ZBTB20: variants seen among roughly 807,000 people sequenced by gnomAD.
The protein encoded by ZBTB20 is zinc finger and BTB domain-containing protein 20.
A neutral mutation model predicts 56.9 loss-of-function variants in ZBTB20; 9 were observed. That is an observed-to-expected ratio of 0.16 (90% CI 0.10 to 0.28). The LOEUF is 0.28. Ranked by LOEUF, ZBTB20 falls within the 10% of genes least tolerant of loss-of-function variation. The probability of loss-of-function intolerance (pLI) is 1.00; values close to 1 mark genes in which losing one functional copy is unlikely to be tolerated. For synonymous variants in ZBTB20, 417 were observed against 420.7 expected (o/e 0.99, Z 0.11); for missense variants, 655 against 1,003.0 (o/e 0.65, Z 4.69).
intron 6 of ZBTB20, among the ~76,000 whole-genome samples, chr3:114,625,238 A>AT (rs1235572234): frequency 6.6e-6 from 1 of 152,084 alleles, no homozygotes; most frequent in East Asian, 1.9e-4. Flanking sequence ...GAAAAAAAAA[A>AT]GCTGCCTACC....
intron 5 of ZBTB20, among the ~76,000 whole-genome samples, chr3:114,706,744 T>C (rs767242632): frequency 2.0e-5 from 3 of 152,124 alleles, no homozygotes; most frequent in Non-Finnish European, 4.4e-5. Context: ...GATTATTCAC[T>C]GAGGCCAAAA....
chr3:114,985,878 T>C (rs924121171), intron 2 of ZBTB20, among the ~76,000 whole-genome samples: 6 of 152,126 alleles, frequency 3.9e-5, no homozygotes, highest in Non-Finnish European at 7.4e-5. Flanking sequence ...TTGCAGGTCA[T>C]AAAGTTTCTG....
chr3:114,605,136 G>A (rs1481954673), intron 6 of ZBTB20, among the ~76,000 whole-genome samples: 1 of 151,996 alleles, frequency 6.6e-6, no homozygotes, highest in Non-Finnish European at 1.5e-5. Flanking sequence ...AGTTCCTAAA[G>A]GAGAAGCCTA....
At chr3:114,410,599 G>A (rs542732644) in intron 7 of ZBTB20, among the ~76,000 whole-genome samples, 21 of 152,272 alleles carry the variant, frequency 1.4e-4, no homozygotes, top group African/African-American at 4.8e-4. Flanking sequence ...GAAAAAAACT[G>A]AAATGTGTTC....
intron 2 of ZBTB20, among the ~76,000 whole-genome samples, chr3:115,030,262 A>G (rs2080612721): frequency 1.3e-5 from 2 of 150,988 alleles, no homozygotes; most frequent in African/African-American, 4.8e-5. Context: ...TCTCCTATTC[A>G]TCTTTCAAGC....
chr3:114,550,234 A>G (rs1225444211), intron 6 of ZBTB20, among the ~76,000 whole-genome samples: 9 of 152,032 alleles, frequency 5.9e-5, no homozygotes, highest in East Asian at 3.9e-4. Context: ...CACTGTGCCC[A>G]CCCTATAACT....
At chr3:114,823,359 A>G (rs2073355577) in intron 4 of ZBTB20, among the ~76,000 whole-genome samples, 1 of 152,130 alleles carries the variant, frequency 6.6e-6, no homozygotes, top group African/African-American at 2.4e-5. Flanking sequence ...CCTGATTATG[A>G]AAAGGACTTC....
At chr3:114,940,313 A>C (rs2076683410) in intron 3 of ZBTB20, among the ~76,000 whole-genome samples, 1 of 146,402 alleles carries the variant, frequency 6.8e-6, no homozygotes, top group Non-Finnish European at 1.5e-5. Flanking sequence ...TCTCTTCACT[A>C]TGCACATAAG....
At chr3:114,681,602 C>A (rs2061977594) in intron 6 of ZBTB20, among the ~76,000 whole-genome samples, 1 of 152,202 alleles carries the variant, frequency 6.6e-6, no homozygotes, top group African/African-American at 2.4e-5. Flanking sequence ...CAGTTAAAAT[C>A]AATGTGGATT....
Position 114,329,709 on chromosome 3 carries a change from G to GGA in ZBTB20, c.*9295_*9296insTC, listed in dbSNP as rs2079175495. The GGA allele has an allele frequency of 1.6e-5, 1 of 63,908 alleles. No individual in the cohort carries two copies. 4.0% of individuals were successfully genotyped at this position (63,908 alleles called of 1,614,324 possible). ...TGAAACTCTGGTTTTACTTTTTTTG[G>GGA]AAAAAAAAAAAAAAAAAAAAAAAAA... On this transcript the variant is annotated 3_prime_UTR_variant, in exon 12 of 12. Coordinates refer to ENST00000675478, the MANE Select transcript of ZBTB20 (RefSeq NM_001348800.3).
At position 114,338,188 on chromosome 3, in the gene ZBTB20, C is replaced by T. The variant is rs2079526922; in HGVS notation, c.*817G>A. ...CTGATATCTTTGTTTTATCTGCATTCCTGCCTTTCATGAAAGTCCCTCTTG... is the reference window on the plus strand; with the variant it reads ...CTGATATCTTTGTTTTATCTGCATTTCTGCCTTTCATGAAAGTCCCTCTTG... On this transcript the variant is annotated 3_prime_UTR_variant, in exon 12 of 12. Transcript: ENST00000675478. 1 of 151,356 alleles carries T rather than the reference C, an allele frequency of 6.6e-6. No homozygotes were observed. Among genetic ancestry groups the T allele is most frequent in the Non-Finnish European group, 1.5e-5 (1 of 67,954 alleles). 9.4% of individuals were successfully genotyped at this position (151,356 alleles called of 1,614,324 possible).
chr3:114,697,061 T>TA (rs35130350), intron 5 of ZBTB20, among the ~76,000 whole-genome samples: 8,723 of 110,644 alleles, frequency 0.079, 568 homozygotes, highest in East Asian at 0.19. Flanking sequence ...TGTACTTTGT[T>TA]AAAAAAAAAA....
At chr3:114,721,625 A>G (rs1170335546) in intron 5 of ZBTB20, among the ~76,000 whole-genome samples, 2 of 152,182 alleles carry the variant, frequency 1.3e-5, no homozygotes, top group African/African-American at 4.8e-5. Context: ...TTTCAAGGTT[A>G]TGCAGTTAGT....
rs118091882 is a variant in ZBTB20 at position 114,946,830 on chromosome 3, G to A, written c.-456+27536C>T. Among the ~76,000 whole-genome samples, 111 of 145,586 alleles carry A rather than the reference G, an allele frequency of 7.6e-4. 8 individuals carry two copies. In the East Asian group the frequency reaches 0.013, roughly 17 times the overall value. On this transcript the variant is annotated intron_variant, in intron 3 of 11. Coordinates refer to ENST00000675478, the MANE Select transcript of ZBTB20 (RefSeq NM_001348800.3). ...AAATGGTACTTAATTAAACTAAAAA[G>A]CTTCTGCCCAGAAATAGAAATAATC...
chr3:114,685,706 C>T (rs2108279180), intron 6 of ZBTB20, among the ~76,000 whole-genome samples: 1 of 152,160 alleles, frequency 6.6e-6, no homozygotes, highest in East Asian at 1.9e-4. Flanking sequence ...AACAGTGTTT[C>T]CTTTATTGAA....
At chr3:114,606,969 G>A (rs1185616996) in intron 6 of ZBTB20, among the ~76,000 whole-genome samples, 1 of 151,766 alleles carries the variant, frequency 6.6e-6, no homozygotes, top group East Asian at 2.0e-4. Context: ...GTGGTGGTGG[G>A]CACCTGTAGT....
intron 4 of ZBTB20, among the ~76,000 whole-genome samples, chr3:114,860,251 G>C (rs1262870957): frequency 2.0e-5 from 3 of 151,524 alleles, no homozygotes; most frequent in Non-Finnish European, 4.4e-5. Context: ...AGGTTGCAGT[G>C]AGCCGAGATC....
chr3:114,711,611 C>T (rs2064089005), intron 5 of ZBTB20, among the ~76,000 whole-genome samples: 1 of 152,128 alleles, frequency 6.6e-6, no homozygotes, highest in African/African-American at 2.4e-5. Flanking sequence ...ATAAAGGAGA[C>T]GTTTTCCCAG....
In ZBTB20 at chr3:114,375,731, C is replaced by T. The variant is rs139682537; in HGVS notation, c.199+4486G>A. On this transcript the variant is annotated intron_variant, in intron 10 of 11. Coordinates refer to ENST00000675478, the MANE Select transcript of ZBTB20 (RefSeq NM_001348800.3). ...ATTCACAGAAATGAATAATTTCCTT[C>T]GAAATATCCCTTACCCTATTTACAT... 1.2e-4 allele frequency: 18 copies of T among 152,308 alleles called. No individual in the cohort carries two copies. The South Asian group carries it at 3.3e-3, about 28-fold the overall frequency. 9.4% of individuals were successfully genotyped at this position (152,308 alleles called of 1,614,324 possible). A position where few individuals can be genotyped will look rare whatever the true frequency, so the allele number is the denominator to read the frequency against.
Sources: gnomAD v4.1 joint callset for allele counts (sites outside exome capture counted in the v4.1 genomes callset) on GRCh38, gnomAD v4.1.1 for gene constraint, MANE v1.5 for transcripts, NCBI Gene and HGNC (gene_info 2026-07-23, HGNC 2026-07-21) for gene names.